Variants in ELF2 observed in about 807,000 individuals in gnomAD.
ELF2 encodes ETS-related transcription factor Elf-2.
A neutral mutation model predicts 54.8 loss-of-function variants in ELF2; 11 were observed. The observed-to-expected ratio is 0.20, with a 90% CI of 0.13 to 0.33. ELF2 has a LOEUF of 0.33. Ranked by LOEUF, ELF2 falls within the 10% of genes least tolerant of loss-of-function variation. The pLI is 1.00. For synonymous variants in ELF2, 203 were observed against 245.1 expected, an observed-to-expected ratio of 0.83 and a Z score of 1.61; for missense variants, 513 against 703.0, an observed-to-expected ratio of 0.73 and a Z score of 3.06.
chr4:139,070,951 G>C (rs1346250098), intron 6 of ELF2, among the ~76,000 whole-genome samples: 1 of 152,068 alleles, frequency 6.6e-6, no homozygotes, highest in Non-Finnish European at 1.5e-5. Context: ...AAAATGTGAA[G>C]AGTTAGAGAA....
At chr4:139,083,722 C>T (rs1401491655) in intron 4 of ELF2, among the ~76,000 whole-genome samples, 2 of 152,258 alleles carry the variant, frequency 1.3e-5, no homozygotes, top group East Asian at 1.9e-4. Context: ...CCTCTCCGGC[C>T]AGACAGCGTG....
intron 4 of ELF2, among the ~76,000 whole-genome samples, chr4:139,115,986 C>T (rs1735668356): frequency 6.6e-6 from 1 of 152,120 alleles, no homozygotes; most frequent in Admixed American, 6.5e-5. Flanking sequence ...GGATTACAGG[C>T]GTCCACCACC....
At chr4:139,156,599 T>G (rs768437636) in intron 1 of ELF2, among the ~76,000 whole-genome samples, 23 of 150,642 alleles carry the variant, frequency 1.5e-4, no homozygotes, top group African/African-American at 4.6e-4. Flanking sequence ...CATTCATAGA[T>G]ATATATATAT....
chr4:139,162,053 C>A (rs1578966520), intron 1 of ELF2, among the ~76,000 whole-genome samples: 1 of 152,176 alleles, frequency 6.6e-6, no homozygotes, highest in East Asian at 1.9e-4. Flanking sequence ...GAGATTGCGC[C>A]ACTGCACTCT....
chr4:139,115,506 T>A lies in ELF2; in HGVS notation c.238+9658A>T. The stretch of plus-strand genomic sequence containing the variant: ...GGGGTGCCCGAGGGCAGCTGCAGCA[T>A]GCGGAGCCCCCGGGCCTGGCCTGGC... On this transcript the variant is annotated intron_variant, in intron 4 of 9. Transcript: ENST00000686138. The A allele has an allele frequency of 7.0e-6, 4 of 575,392 alleles. No individual in the cohort carries two copies. The South Asian group carries it at 2.3e-4, about 33-fold the overall frequency. The allele number at this position is 575,392 out of a possible 1,614,324, so 35.6% of individuals were successfully genotyped here.
intron 4 of ELF2, among the ~76,000 whole-genome samples, chr4:139,107,999 A>C (rs1004214492): frequency 5.9e-5 from 9 of 152,124 alleles, no homozygotes; most frequent in Non-Finnish European, 1.2e-4. Flanking sequence ...GCTAAAACTG[A>C]AAAGGTGAGA....
At chr4:139,091,581 T>A (rs946036580) in intron 4 of ELF2, among the ~76,000 whole-genome samples, 1 of 152,158 alleles carries the variant, frequency 6.6e-6, no homozygotes, top group African/African-American at 2.4e-5. Flanking sequence ...CCTCCTGGGC[T>A]CAAGTGAACC....
intron 4 of ELF2, among the ~76,000 whole-genome samples, chr4:139,089,021 T>G (rs547571742): frequency 6.6e-6 from 1 of 152,218 alleles, no homozygotes; most frequent in South Asian, 2.1e-4. Flanking sequence ...CCTCCCAAAG[T>G]GCTGGGATTA....
intron 4 of ELF2, chr4:139,117,857 G>C (rs1735904823): frequency 6.4e-6 from 1 of 155,162 alleles, no homozygotes; most frequent in East Asian, 1.9e-4. Flanking sequence ...GGGAGGCTGA[G>C]GCAGGAGAAT....
chr4:139,059,092 G>A lies in ELF2; in HGVS notation c.1673C>T (p.Pro558Leu), dbSNP rs760276287. The change falls in exon 10 of 10, where the codon CCA (proline) becomes CTA (leucine). Residue 558 changes from proline to leucine, a missense_variant. By Grantham distance (98) the Pro-to-Leu change is moderately conservative. Transcript: ENST00000686138. Reference sequence around the variant, plus strand: ...GGTCACTGTCTTATTTCCATCTGCTGGTTTTTCTTCTACTAGCTGCAAAGT... The same window carrying A: ...GGTCACTGTCTTATTTCCATCTGCTAGTTTTTCTTCTACTAGCTGCAAAGT... ...VKTLQLVEEK[P>L]ADGNKTVTHV... 6.2e-7 allele frequency: 1 copy of A among 1,613,942 alleles called. No homozygotes were observed. The highest frequency in any genetic ancestry group is 8.5e-7 in the Non-Finnish European group (1 of 1,179,864).
intron 3 of ELF2, among the ~76,000 whole-genome samples, chr4:139,134,647 G>C (rs944628345): frequency 1.5e-5 from 2 of 136,288 alleles, no homozygotes; most frequent in Non-Finnish European, 3.1e-5. Context: ...ATTTTATTTT[G>C]AGACAGGGTT....
chr4:139,134,588 ATTTT>A (rs1274686832), intron 3 of ELF2, among the ~76,000 whole-genome samples: 1 of 17,944 alleles, frequency 5.6e-5, no homozygotes, highest in Non-Finnish European at 1.5e-4. Context: ...TGTTATATTT[ATTTT>A]ATTTTATTTT....
At chr4:139,155,312 C>T (rs756190219) in intron 1 of ELF2, 1 of 152,052 alleles carries the variant, frequency 6.6e-6, no homozygotes, top group African/African-American at 2.4e-5. Context: ...ATCACCAGGT[C>T]GCCTAAGAAG....
chr4:139,177,667 G>A (rs1369556529), upstream of ELF2, among the ~76,000 whole-genome samples: 2 of 151,960 alleles, frequency 1.3e-5, no homozygotes, highest in African/African-American at 4.8e-5. Context: ...TGAGGCCGAT[G>A]GGGCCGCGCG....
At position 139,058,407 on chromosome 4, in the gene ELF2, G is replaced by GTATATATA. The variant is rs113800639; in HGVS notation, c.*568_*575dup. 302 of 142,144 alleles carry GTATATATA rather than the reference G, an allele frequency of 2.1e-3. 2 individuals carry two copies. Among genetic ancestry groups the GTATATATA allele is most frequent in the African/African-American group, 6.5e-3 (253 of 38,864 alleles). The allele number at this position is 142,144 out of a possible 1,614,324, so 8.8% of individuals were successfully genotyped here. A position where few individuals can be genotyped will look rare whatever the true frequency, so the allele number is the denominator to read the frequency against. ...AGCTATATGATATATATATATGTAT[G>GTATATATA]TATATATATATATATATATATATAA... On this transcript the variant is annotated 3_prime_UTR_variant, in exon 10 of 10. Coordinates refer to ENST00000686138, the MANE Select transcript of ELF2 (RefSeq NM_001331036.3).
chr4:139,100,825 A>G (rs769594332), intron 4 of ELF2, among the ~76,000 whole-genome samples: 1 of 152,242 alleles, frequency 6.6e-6, no homozygotes, highest in African/African-American at 2.4e-5. Context: ...TTTATATTTT[A>G]AATCACTTTG....
At chr4:139,145,253 A>G (rs1425479798) in intron 1 of ELF2, among the ~76,000 whole-genome samples, 1 of 152,254 alleles carries the variant, frequency 6.6e-6, no homozygotes, top group Non-Finnish European at 1.5e-5. Flanking sequence ...AAGCCAACGC[A>G]CTACGGCTAT....
intron 1 of ELF2, among the ~76,000 whole-genome samples, chr4:139,176,699 G>A (rs1742983580): frequency 6.6e-6 from 1 of 151,362 alleles, no homozygotes; most frequent in Non-Finnish European, 1.5e-5. Flanking sequence ...CGCGCCCCGC[G>A]CTCCCCGCGG....
At chr4:139,122,770 G>A (rs2148831247) in intron 4 of ELF2, among the ~76,000 whole-genome samples, 1 of 151,562 alleles carries the variant, frequency 6.6e-6, no homozygotes, top group African/African-American at 2.4e-5. Flanking sequence ...CAAAGTGCTG[G>A]GATCACAGGT....
Sources: gnomAD v4.1 joint callset for allele counts (sites outside exome capture counted in the v4.1 genomes callset) on GRCh38, gnomAD v4.1.1 for gene constraint, MANE v1.5 for transcripts, NCBI Gene and HGNC (gene_info 2026-07-23, HGNC 2026-07-21) for gene names.